The following SEMA3A variants were observed in gnomAD, a reference collection of about 807,000 sequenced individuals.
The protein encoded by SEMA3A is semaphorin-3A.
SEMA3A carries 29 observed loss-of-function variants against 97.9 expected under a neutral mutation model. That is an observed-to-expected ratio of 0.30 (90% CI 0.22 to 0.40). SEMA3A has a LOEUF of 0.40. SEMA3A is among the 10% of genes least tolerant of loss of function. The pLI is 1.00. For synonymous variants in SEMA3A, 321 were observed against 323.7 expected (o/e 0.99, Z 0.09); for missense variants, 763 against 951.3 (o/e 0.80, Z 2.60).
chr7:84,247,344 C>T (rs1189126340), intron 3 of SEMA3A, among the ~76,000 whole-genome samples: 3 of 152,088 alleles, frequency 2.0e-5, no homozygotes, highest in Non-Finnish European at 4.4e-5. Context: ...TCAAGATTAA[C>T]ATATTGTCAT....
At chr7:84,130,786 T>A (rs912504114) in intron 2 of SEMA3A, among the ~76,000 whole-genome samples, 1 of 131,650 alleles carries the variant, frequency 7.6e-6, no homozygotes, top group Non-Finnish European at 1.7e-5. Flanking sequence ...AATAATAATA[T>A]ATAACAGTTA....
chr7:84,234,705 C>T (rs541411676), intron 3 of SEMA3A, among the ~76,000 whole-genome samples: 1 of 152,110 alleles, frequency 6.6e-6, no homozygotes, highest in South Asian at 2.1e-4. Context: ...CCATTCCAGC[C>T]CCAACACTCA....
chr7:84,240,377 T>C (rs1799329110), intron 3 of SEMA3A, among the ~76,000 whole-genome samples: 1 of 152,040 alleles, frequency 6.6e-6, no homozygotes, highest in Non-Finnish European at 1.5e-5. Context: ...GTTATCCCTG[T>C]TTGGTCCCTA....
intron 3 of SEMA3A, among the ~76,000 whole-genome samples, chr7:84,282,345 T>A (rs1398704951): frequency 1.3e-5 from 2 of 152,190 alleles, no homozygotes; most frequent in Non-Finnish European, 2.9e-5. Flanking sequence ...TTTATTCAAC[T>A]TCCAGAACAG....
intron 2 of SEMA3A, among the ~76,000 whole-genome samples, chr7:84,323,538 A>G (rs1206508402): frequency 1.3e-5 from 2 of 152,122 alleles, no homozygotes; most frequent in East Asian, 3.9e-4. Flanking sequence ...GGTACTTGCA[A>G]TGTACAAAGA....
chr7:84,358,897 C>A (rs145188839), intron 2 of SEMA3A, among the ~76,000 whole-genome samples: 1,976 of 152,212 alleles, frequency 0.013, 40 homozygotes, highest in African/African-American at 0.045. Flanking sequence ...CTCTTTGAAG[C>A]AATTGTGAAT....
At chr7:84,268,540 T>C (rs1800069399) in intron 3 of SEMA3A, among the ~76,000 whole-genome samples, 1 of 152,026 alleles carries the variant, frequency 6.6e-6, no homozygotes, top group Admixed American at 6.6e-5. Flanking sequence ...TCCTAGTATT[T>C]TCCCTTTTTC....
chr7:84,140,963 T>A (rs539675224), intron 1 of SEMA3A, among the ~76,000 whole-genome samples: 5 of 152,104 alleles, frequency 3.3e-5, no homozygotes, highest in African/African-American at 1.2e-4. Context: ...ATAAATAAAT[T>A]TGCATAATGG....
intron 1 of SEMA3A, among the ~76,000 whole-genome samples, chr7:84,139,625 C>T (rs1016789500): frequency 2.6e-5 from 4 of 151,958 alleles, no homozygotes; most frequent in South Asian, 2.1e-4. Context: ...ACAATGAAGA[C>T]GACAAGCTTT....
At chr7:84,479,508 G>A (rs1806388565) in intron 1 of SEMA3A, among the ~76,000 whole-genome samples, 1 of 152,098 alleles carries the variant, frequency 6.6e-6, no homozygotes, top group Non-Finnish European at 1.5e-5. Flanking sequence ...AAAATGCTTA[G>A]TATCTAGCAG....
At chr7:84,288,951 A>G (rs1800669242) in intron 3 of SEMA3A, among the ~76,000 whole-genome samples, 2 of 152,174 alleles carry the variant, frequency 1.3e-5, no homozygotes, top group South Asian at 4.1e-4. Flanking sequence ...TAGCCAAGAA[A>G]TGGAAAAACC....
At chr7:84,006,445 T>C (rs1790671306) in intron 10 of SEMA3A, among the ~76,000 whole-genome samples, 1 of 151,788 alleles carries the variant, frequency 6.6e-6, no homozygotes, top group South Asian at 2.1e-4. Flanking sequence ...CCAATCAGAA[T>C]GCCCATCATG....
chr7:84,052,626 CG>C (rs1274860689), intron 5 of SEMA3A, among the ~76,000 whole-genome samples: 12 of 151,916 alleles, frequency 7.9e-5, no homozygotes, highest in Non-Finnish European at 1.2e-4. Context: ...GTCTTGCTAG[CG>C]GCCTATCAAT....
intron 12 of SEMA3A, among the ~76,000 whole-genome samples, chr7:83,991,494 A>G (rs1789933544): frequency 6.6e-6 from 1 of 150,816 alleles, no homozygotes; most frequent in Non-Finnish European, 1.5e-5. Flanking sequence ...AATACGTCCC[A>G]TCAATACCTA....
intron 3 of SEMA3A, among the ~76,000 whole-genome samples, chr7:84,236,403 C>T (rs1452080671): frequency 2.0e-5 from 3 of 152,026 alleles, no homozygotes; most frequent in Non-Finnish European, 2.9e-5. Flanking sequence ...AAGTTTCTAA[C>T]TCTCCCTTCA....
chr7:84,375,387 G>A (rs987308392), intron 1 of SEMA3A, among the ~76,000 whole-genome samples: 2 of 152,114 alleles, frequency 1.3e-5, no homozygotes, highest in Non-Finnish European at 2.9e-5. Context: ...GTTCACGTAT[G>A]CCACCTTATT....
intron 3 of SEMA3A, among the ~76,000 whole-genome samples, chr7:84,299,399 A>T: frequency 7.4e-6 from 1 of 135,352 alleles, no homozygotes; most frequent in Non-Finnish European, 1.5e-5. Context: ...CACATCTCCT[A>T]CTAGTTCTGT....
intron 3 of SEMA3A, among the ~76,000 whole-genome samples, chr7:84,117,869 TA>T (rs1397374106): frequency 6.6e-6 from 1 of 152,184 alleles, no homozygotes; most frequent in Non-Finnish European, 1.5e-5. Context: ...TCTCCTCAAC[TA>T]AAAATGAGAT....
At chr7:83,972,726 A>C (rs1440802948) in intron 15 of SEMA3A, among the ~76,000 whole-genome samples, 4 of 152,128 alleles carry the variant, frequency 2.6e-5, no homozygotes, top group Non-Finnish European at 5.9e-5. Flanking sequence ...GTAACAGTTA[A>C]ATTGTAGGTG....
Sources: allele counts gnomAD v4.1 joint callset (sites outside exome capture counted in the v4.1 genomes callset), GRCh38; gene constraint gnomAD v4.1.1; transcripts MANE v1.5; gene names NCBI Gene and HGNC (gene_info 2026-07-23, HGNC 2026-07-21).